The following PIR variants were observed in gnomAD, a reference collection of about 807,000 sequenced individuals.
PIR encodes pirin, also known as pirin (iron-binding nuclear protein).
PIR carries 22 observed loss-of-function variants against 24.2 expected under a neutral mutation model. That is an observed-to-expected ratio of 0.91 (90% CI 0.65 to 1.30). The LOEUF (loss-of-function observed/expected upper bound fraction) is 1.30. Among genes scored for constraint, PIR ranks in the 50% most tolerant of loss-of-function variants. The pLI is 0.00. For missense variants in PIR, 220 were observed against 220.3 expected, an observed-to-expected ratio of 1.00 and a Z score of 0.01; for synonymous variants, 80 against 79.6, an observed-to-expected ratio of 1.00 and a Z score of -0.03.
intron 5 of PIR, among the ~76,000 whole-genome samples, chrX:15,453,372 T>G (rs749082366): frequency 1.8e-5 from 2 of 112,331 alleles, no homozygotes; most frequent in South Asian, 7.4e-4. Flanking sequence ...TCACTTAATC[T>G]TCACAAAAAG....
At chrX:15,417,298 G>A (rs1464107497) in intron 6 of PIR, among the ~76,000 whole-genome samples, 1 of 112,510 alleles carries the variant, frequency 8.9e-6, no homozygotes, top group Non-Finnish European at 1.9e-5. Context: ...GCTAAGTTGA[G>A]AGACATTGCA....
At chrX:15,491,352 G>A in intron 1 of PIR, 43 bp from the exon 2 acceptor site, 1 of 536,610 alleles carries the variant, frequency 1.9e-6, no homozygotes, top group Non-Finnish European at 3.1e-6. Context: ...ATAAAGGAGG[G>A]AACATCCAAG....
At chrX:15,389,960 A>G in intron 9 of PIR, 1 of 249,380 alleles carries the variant, frequency 4.0e-6, no homozygotes, top group Non-Finnish European at 7.4e-6. Context: ...TCAATATCCT[A>G]TACATAATAG....
chrX:15,457,087 G>A (rs934462489), intron 4 of PIR, among the ~76,000 whole-genome samples: 3 of 112,200 alleles, frequency 2.7e-5, no homozygotes, highest in Non-Finnish European at 5.6e-5. Context: ...AAAAAGAGTT[G>A]TTAATGAGAA....
intron 8 of PIR, among the ~76,000 whole-genome samples, chrX:15,391,962 T>C (rs1923972997): frequency 9.0e-6 from 1 of 111,612 alleles, no homozygotes; most frequent in African/African-American, 3.3e-5. Context: ...GCTTCTGCTT[T>C]CCTATCTTCA....
At chrX:15,444,101 T>C (rs181462580) in intron 5 of PIR, among the ~76,000 whole-genome samples, 1 of 112,290 alleles carries the variant, frequency 8.9e-6, no homozygotes, top group East Asian at 2.8e-4. Flanking sequence ...GGGTAAAATA[T>C]AATCGAACAG....
chrX:15,403,028 G>A (rs1924440173), intron 7 of PIR, among the ~76,000 whole-genome samples: 1 of 111,669 alleles, frequency 9.0e-6, no homozygotes. Context: ...GGCAGACCAG[G>A]GAGGAGCGGA....
intron 2 of PIR, among the ~76,000 whole-genome samples, chrX:15,486,611 A>G (rs772473541): frequency 8.9e-6 from 1 of 111,761 alleles, no homozygotes; most frequent in Non-Finnish European, 1.9e-5. Flanking sequence ...TGCAGGGTGG[A>G]ACTTTTAGGA....
intron 5 of PIR, among the ~76,000 whole-genome samples, chrX:15,449,040 A>G (rs946702163): frequency 1.8e-5 from 2 of 111,511 alleles, no homozygotes; most frequent in Non-Finnish European, 3.8e-5. Flanking sequence ...GGACATGTAA[A>G]TTAAATGCCG....
chrX:15,473,368 T>C (rs1922024636), intron 3 of PIR, among the ~76,000 whole-genome samples: 1 of 111,083 alleles, frequency 9.0e-6, no homozygotes, highest in East Asian at 2.8e-4. Flanking sequence ...AAGTCACTAG[T>C]TGTGGAGGTT....
In PIR at chrX:15,455,966, C is replaced by T; in HGVS notation, c.362G>A (p.Arg121Lys). 8.3e-7 allele frequency: 1 copy of T among 1,210,634 alleles called. No homozygotes were observed. Residue 121 changes from arginine (R) to lysine (K), a missense_variant, in exon 5 of 10, where the codon AGG becomes AAG. Coordinates refer to ENST00000380420, the MANE Select transcript of PIR (RefSeq NM_001018109.3). The part of the protein sequence containing the change: ...AHGLQLWVNL[R>K]SSEKMVEPQY... Reference sequence around the variant, plus strand: ...AGGCTCCACCATCTTCTCTGAGCTCCTCAAATTAACCCACAGTTGTAGGCC... The same window carrying T: ...AGGCTCCACCATCTTCTCTGAGCTCTTCAAATTAACCCACAGTTGTAGGCC...
rs144063326 is a variant in PIR at position 15,489,770 on chromosome X, C to A, written c.96+1392G>T. On this transcript the variant is annotated intron_variant, in intron 2 of 9. Transcript: ENST00000380420. ...ATGGAGAGTTGTGTTGACAGTTTTT[C>A]CTCTGCCTCAGTGGCCAATCAACAT... Among the ~76,000 whole-genome samples, 239 of 111,953 alleles carry A rather than the reference C, an allele frequency of 2.1e-3. 1 individual carries two copies. Among genetic ancestry groups the A allele is most frequent in the African/African-American group, 7.3e-3 (224 of 30,787 alleles).
intron 5 of PIR, among the ~76,000 whole-genome samples, chrX:15,450,665 G>A (rs1175261886): frequency 1.8e-5 from 2 of 110,932 alleles, no homozygotes; most frequent in Non-Finnish European, 3.8e-5. Flanking sequence ...CCCTGAAAAT[G>A]TTCTGAGTTT....
At chrX:15,473,165 C>G (rs1223259442) in intron 3 of PIR, among the ~76,000 whole-genome samples, 1 of 111,841 alleles carries the variant, frequency 8.9e-6, no homozygotes, top group East Asian at 2.8e-4. Context: ...AGTACTGGTT[C>G]TCAGCCAGGG....
At chrX:15,407,085 G>A (rs1924572598) in intron 7 of PIR, among the ~76,000 whole-genome samples, 1 of 112,215 alleles carries the variant, frequency 8.9e-6, no homozygotes, top group African/African-American at 3.2e-5. Context: ...AGAGAAAAAA[G>A]CCACTTTTGA....
chrX:15,466,403 T>C (rs1471298471), intron 3 of PIR, among the ~76,000 whole-genome samples: 1 of 111,910 alleles, frequency 8.9e-6, no homozygotes, highest in Admixed American at 9.4e-5. Context: ...TACATTTCCC[T>C]GCCACCACCC....
At chrX:15,440,134 C>T (rs988949374) in intron 5 of PIR, among the ~76,000 whole-genome samples, 2 of 111,566 alleles carry the variant, frequency 1.8e-5, no homozygotes, top group Admixed American at 1.9e-4. Context: ...ATCTCAAGAC[C>T]ATTCCCCATT....
At chrX:15,477,647 T>C (rs1367653830) in intron 3 of PIR, among the ~76,000 whole-genome samples, 1 of 93,641 alleles carries the variant, frequency 1.1e-5, no homozygotes, top group African/African-American at 4.0e-5. Context: ...GTGGGAGCCA[T>C]TTTAAACAGT....
intron 5 of PIR, among the ~76,000 whole-genome samples, chrX:15,439,477 T>C (rs1925848629): frequency 8.9e-6 from 1 of 112,483 alleles, no homozygotes; most frequent in South Asian, 3.7e-4. Context: ...TTCCATTATA[T>C]TTTTATTAGA....
Sources: allele counts gnomAD v4.1 joint callset (sites outside exome capture counted in the v4.1 genomes callset), GRCh38; gene constraint gnomAD v4.1.1; transcripts MANE v1.5; gene names NCBI Gene and HGNC (gene_info 2026-07-23, HGNC 2026-07-21).